Variants in CDH13 observed in about 807,000 individuals in gnomAD.
CDH13 encodes the protein cadherin 13.
Under a neutral mutation model 63.8 loss-of-function variants are expected in CDH13, and 24 were observed. The ratio of observed to expected loss-of-function variants is 0.38; its 90% confidence interval spans 0.27 to 0.53. The LOEUF is 0.53. Among genes scored for constraint, CDH13 ranks in the 20% least tolerant of loss-of-function variants. The pLI is 0.85. For missense variants in CDH13, 1,049 were observed against 903.1 expected, an observed-to-expected ratio of 1.16 and a Z score of -2.07; for synonymous variants, 503 against 355.3, an observed-to-expected ratio of 1.42 and a Z score of -4.67.
chr16:82,964,137 C>G (rs1907463834), intron 2 of CDH13, among the ~76,000 whole-genome samples: 1 of 152,180 alleles, frequency 6.6e-6, no homozygotes, highest in African/African-American at 2.4e-5. Flanking sequence ...GTGGAGATCA[C>G]TGAGATCTCA....
At chr16:83,027,551 G>A (rs181134765) in intron 2 of CDH13, among the ~76,000 whole-genome samples, 3 of 152,258 alleles carry the variant, frequency 2.0e-5, no homozygotes, top group African/African-American at 4.8e-5. Flanking sequence ...GCAGAGGGGA[G>A]GCTGATGGAC....
chr16:83,015,923 A>C (rs927085971), intron 2 of CDH13, among the ~76,000 whole-genome samples: 2 of 151,606 alleles, frequency 1.3e-5, no homozygotes, highest in African/African-American at 4.8e-5. Flanking sequence ...TTCCCATGAT[A>C]ATTCAAATAG....
chr16:83,039,590 C>G (rs1917161153), intron 3 of CDH13, among the ~76,000 whole-genome samples: 1 of 152,096 alleles, frequency 6.6e-6, no homozygotes, highest in African/African-American at 2.4e-5. Flanking sequence ...TCTTCCCTGC[C>G]TCCCTCCCTT....
chr16:83,502,226 C>T (rs939735764), intron 7 of CDH13, among the ~76,000 whole-genome samples: 1 of 152,124 alleles, frequency 6.6e-6, no homozygotes. Flanking sequence ...GAAGATTATT[C>T]TGAATTATCC....
chr16:83,208,123 G>A lies in CDH13; in HGVS notation c.484-9222G>A, dbSNP rs114125825. On this transcript the variant is annotated intron_variant, in intron 4 of 13. Coordinates refer to ENST00000567109, the MANE Select transcript of CDH13 (RefSeq NM_001257.5). ...GACAGCCCTAGGTGGCGTGAGCACT[G>A]CTGATTGATAAGGTGGGTGTGGAGC... is the stretch of plus-strand genomic sequence containing the variant. 5.7e-3 allele frequency among the ~76,000 whole-genome samples: 865 copies of A among 152,214 alleles called. 9 individuals carry two copies. Among genetic ancestry groups the A allele is most frequent in the African/African-American group, 0.02 (827 of 41,530 alleles).
intron 7 of CDH13, among the ~76,000 whole-genome samples, chr16:83,508,182 A>G (rs1336549781): frequency 7.0e-6 from 1 of 142,748 alleles, no homozygotes; most frequent in Non-Finnish European, 1.5e-5. Flanking sequence ...GAGGGGAGGA[A>G]AGGGAAGGGA....
intron 3 of CDH13, among the ~76,000 whole-genome samples, chr16:83,091,803 G>A (rs1271962227): frequency 6.6e-6 from 1 of 152,182 alleles, no homozygotes; most frequent in Non-Finnish European, 1.5e-5. Flanking sequence ...CATGGTGGGT[G>A]TATAATAACT....
intron 4 of CDH13, among the ~76,000 whole-genome samples, chr16:83,167,880 A>G (rs2037750731): frequency 6.6e-6 from 1 of 152,098 alleles, no homozygotes; most frequent in Non-Finnish European, 1.5e-5. Context: ...ATAAAAAAAT[A>G]AAATCACAAG....
chr16:83,516,001 C>G (rs1460970239), intron 7 of CDH13, among the ~76,000 whole-genome samples: 5 of 152,104 alleles, frequency 3.3e-5, no homozygotes, highest in Admixed American at 2.6e-4. Context: ...ATTTCCATTT[C>G]TGCTCCAACC....
intron 5 of CDH13, among the ~76,000 whole-genome samples, chr16:83,253,812 T>G (rs1905882592): frequency 6.6e-6 from 1 of 152,244 alleles, no homozygotes; most frequent in South Asian, 2.1e-4. Context: ...TGTGGACATG[T>G]GCAGGCACAT....
At chr16:83,788,276 C>G (rs1274195417) in intron 13 of CDH13, among the ~76,000 whole-genome samples, 1 of 152,098 alleles carries the variant, frequency 6.6e-6, no homozygotes, top group Non-Finnish European at 1.5e-5. Context: ...AAATGGAGAC[C>G]AGAGCCGCTG....
At chr16:83,137,032 T>G (rs1438825428) in intron 4 of CDH13, among the ~76,000 whole-genome samples, 1 of 152,202 alleles carries the variant, frequency 6.6e-6, no homozygotes, top group Non-Finnish European at 1.5e-5. Context: ...GCACTGGCCT[T>G]GGGACTCAGG....
intron 4 of CDH13, among the ~76,000 whole-genome samples, chr16:83,173,198 C>T (rs1186710063): frequency 1.3e-5 from 2 of 152,136 alleles, no homozygotes; most frequent in Non-Finnish European, 2.9e-5. Context: ...CTAGTTATAA[C>T]TTGTTCCTGG....
At chr16:83,150,089 G>C (rs981702308) in intron 4 of CDH13, among the ~76,000 whole-genome samples, 1 of 152,142 alleles carries the variant, frequency 6.6e-6, no homozygotes. Context: ...AGATAAGAGA[G>C]GTTTGTAAGC....
Position 83,479,484 on chromosome 16 carries a change from A to G in CDH13, c.782-6993A>G, listed in dbSNP as rs534043600. Among the ~76,000 whole-genome samples, 10 of 152,220 alleles carry G rather than the reference A, an allele frequency of 6.6e-5. No homozygotes were observed. In the South Asian group the frequency reaches 2.1e-3, roughly 32 times the overall value. On this transcript the variant is annotated intron_variant, in intron 6 of 13. Coordinates refer to ENST00000567109, the MANE Select transcript of CDH13 (RefSeq NM_001257.5). Reference sequence around the variant, plus strand: ...ATCCTGGCTAACATGGTGAAACCCCATCTCTACTAAAAATACAAAAAAATT... The same window carrying G: ...ATCCTGGCTAACATGGTGAAACCCCGTCTCTACTAAAAATACAAAAAAATT...
intron 6 of CDH13, among the ~76,000 whole-genome samples, chr16:83,481,515 C>G (rs977165901): frequency 1.3e-5 from 2 of 152,172 alleles, no homozygotes; most frequent in Non-Finnish European, 2.9e-5. Flanking sequence ...GTCAAGAAAC[C>G]AGGCGGCACT....
At chr16:83,111,766 G>A (rs980487961) in intron 3 of CDH13, among the ~76,000 whole-genome samples, 1 of 152,106 alleles carries the variant, frequency 6.6e-6, no homozygotes, top group Non-Finnish European at 1.5e-5. Flanking sequence ...GCTTCAACAA[G>A]AATTCATAAA....
chr16:82,905,243 A>T (rs1033605689), intron 2 of CDH13, among the ~76,000 whole-genome samples: 3 of 152,150 alleles, frequency 2.0e-5, no homozygotes, highest in African/African-American at 7.2e-5. Flanking sequence ...GACTTCTTTT[A>T]TGGGAGATAA....
rs367960539 is a variant in CDH13, at chr16:82,936,552, G to A, written c.157+78079G>A. Among the ~76,000 whole-genome samples the A allele has an allele frequency of 5.9e-5, 9 of 152,224 alleles. No individual in the cohort carries two copies. The East Asian group carries it at 1.7e-3, about 29-fold the overall frequency. On this transcript the variant is annotated intron_variant, in intron 2 of 13. Transcript: ENST00000567109. ...AAGGTTGGAAGACTGCTGATCTATA[G>A]GGTTTATTAAAACAGTAGGCCCCCC...
Sources: allele counts gnomAD v4.1 joint callset (sites outside exome capture counted in the v4.1 genomes callset), GRCh38; gene constraint gnomAD v4.1.1; transcripts MANE v1.5; gene names NCBI Gene and HGNC (gene_info 2026-07-23, HGNC 2026-07-21).